The following CTNND2 variants were observed in gnomAD, a reference collection of about 807,000 sequenced individuals.
The protein encoded by CTNND2 is catenin delta 2.
Under a neutral mutation model 144.4 loss-of-function variants are expected in CTNND2, and 22 were observed. The observed-to-expected ratio is 0.15, with a 90% CI of 0.11 to 0.22. CTNND2 has a LOEUF of 0.22. Ranked by LOEUF, CTNND2 falls within the 10% of genes least tolerant of loss-of-function variation. CTNND2 has a pLI of 1.00. For synonymous variants in CTNND2, 751 were observed against 695.6 expected (o/e 1.08, Z -1.25); for missense variants, 1,353 against 1,618.8 (o/e 0.84, Z 2.82).
At position 11,136,568 on chromosome 5, in the gene CTNND2, T is replaced by C. The variant is rs138349498; in HGVS notation, c.2160-19001A>G. ...CAGTGCTACGCTTGTGGAATAGATA[T>C]GTGTGTCACTCATCTCTGACTCTCC... On this transcript the variant is annotated intron_variant, in intron 12 of 21. Coordinates refer to ENST00000304623, the MANE Select transcript of CTNND2 (RefSeq NM_001332.4). Among the ~76,000 whole-genome samples, 4 of 152,172 alleles carry C rather than the reference T, an allele frequency of 2.6e-5. No homozygotes were observed. The East Asian group carries it at 7.7e-4, about 29-fold the overall frequency.
intron 3 of CTNND2, among the ~76,000 whole-genome samples, chr5:11,491,361 A>G (rs1769370465): frequency 6.6e-6 from 1 of 152,148 alleles, no homozygotes; most frequent in Admixed American, 6.5e-5. Context: ...CCACACACAA[A>G]GTGCTTTCTT....
intron 3 of CTNND2, among the ~76,000 whole-genome samples, chr5:11,507,209 C>T (rs934016011): frequency 6.6e-6 from 1 of 152,180 alleles, no homozygotes; most frequent in Non-Finnish European, 1.5e-5. Flanking sequence ...GATGTTCCTA[C>T]ATAATAATGG....
At chr5:11,712,006 G>A (rs1318229889) in intron 2 of CTNND2, among the ~76,000 whole-genome samples, 1 of 152,178 alleles carries the variant, frequency 6.6e-6, no homozygotes, top group Non-Finnish European at 1.5e-5. Flanking sequence ...CTTGGATTGG[G>A]AGTTTATAAT....
At chr5:11,547,790 T>A (rs1775372235) in intron 3 of CTNND2, among the ~76,000 whole-genome samples, 1 of 152,188 alleles carries the variant, frequency 6.6e-6, no homozygotes, top group Non-Finnish European at 1.5e-5. Flanking sequence ...ATATTGCCAG[T>A]GGGAAAGTAA....
intron 2 of CTNND2, among the ~76,000 whole-genome samples, chr5:11,703,651 T>C (rs955552616): frequency 4.6e-5 from 7 of 152,242 alleles, no homozygotes; most frequent in Non-Finnish European, 1.0e-4. Flanking sequence ...ATATTGTCTC[T>C]GCCCTCAGGG....
chr5:11,592,133 TGCC>T, intron 2 of CTNND2, among the ~76,000 whole-genome samples: 2 of 111,954 alleles, frequency 1.8e-5, no homozygotes, highest in Non-Finnish European at 3.6e-5. Flanking sequence ...CCTTCTTTCC[TGCC>T]TTCCTGCCTT....
At chr5:11,887,047 G>A (rs552657293) in intron 1 of CTNND2, among the ~76,000 whole-genome samples, 103 of 141,718 alleles carry the variant, frequency 7.3e-4, no homozygotes, top group Middle Eastern at 3.7e-3. Flanking sequence ...GCGGTGGCGC[G>A]ATCTCGGCTC....
chr5:11,409,853 T>C (rs2149835366), intron 5 of CTNND2, among the ~76,000 whole-genome samples: 1 of 152,244 alleles, frequency 6.6e-6, no homozygotes, highest in African/African-American at 2.4e-5. Context: ...CTTTTATTCT[T>C]TTCAGAGGAG....
rs962397612 is a variant in CTNND2, at chr5:11,182,548, A to G, written c.1975+16900T>C. 4.0e-5 allele frequency among the ~76,000 whole-genome samples: 6 copies of G among 151,476 alleles called. No individual in the cohort carries two copies. In the South Asian group the frequency reaches 1.2e-3, roughly 31 times the overall value. On this transcript the variant is annotated intron_variant, in intron 11 of 21. Coordinates refer to ENST00000304623, the MANE Select transcript of CTNND2 (RefSeq NM_001332.4). ...TTTTCCACTGCCCACGATGGCTTCAAAACTCTTAATTGCAGGTGATTGCCC... is the reference window on the plus strand; with the variant it reads ...TTTTCCACTGCCCACGATGGCTTCAGAACTCTTAATTGCAGGTGATTGCCC...
Position 11,082,837 on chromosome 5 carries a change from ATACTGAC to A in CTNND2, c.2640_2646del (p.Trp880CysfsTer22). 1 of 1,614,038 alleles carries A rather than the reference ATACTGAC, an allele frequency of 6.2e-7. No individual in the cohort carries two copies. Among genetic ancestry groups the A allele is most frequent in the East Asian group, 2.2e-5 (1 of 44,876 alleles). On this transcript the variant is annotated frameshift_variant and splice_region_variant, in exon 16 of 22. Transcript: ENST00000304623. LOFTEE classifies it high-confidence loss of function. ...TCTTTTCGGACAGCGGCTCGGATATATACTGACCACTGCAAAAACAGGGAAGGCGAAG... is the reference window on the plus strand; with the variant it reads ...TCTTTTCGGACAGCGGCTCGGATATACACTGCAAAAACAGGGAAGGCGAAG...
At chr5:11,143,718 C>T (rs1756964073) in intron 12 of CTNND2, among the ~76,000 whole-genome samples, 2 of 152,328 alleles carry the variant, frequency 1.3e-5, no homozygotes, top group East Asian at 1.9e-4. Context: ...TAATTTTACT[C>T]AAAACAGCCC....
chr5:11,408,886 CTATT>C (rs758153979), intron 5 of CTNND2, among the ~76,000 whole-genome samples: 2 of 152,124 alleles, frequency 1.3e-5, no homozygotes, highest in Non-Finnish European at 2.9e-5. Flanking sequence ...TTTATCCCCT[CTATT>C]TATCTCTTCT....
intron 9 of CTNND2, among the ~76,000 whole-genome samples, chr5:11,240,934 ACACACACACTGAG>A (rs1420115922): frequency 6.8e-6 from 1 of 147,102 alleles, no homozygotes; most frequent in Non-Finnish European, 1.5e-5. Context: ...CACACACCCA[ACACACACACTGAG>A]CACACACACC....
At chr5:11,862,047 T>C (rs943435526) in intron 1 of CTNND2, among the ~76,000 whole-genome samples, 16 of 152,224 alleles carry the variant, frequency 1.1e-4, no homozygotes, top group Admixed American at 7.9e-4. Flanking sequence ...TGGTTTTCTA[T>C]AGCACTTGTT....
At chr5:11,319,490 CTA>C (rs1400073090) in intron 9 of CTNND2, among the ~76,000 whole-genome samples, 1 of 152,070 alleles carries the variant, frequency 6.6e-6, no homozygotes, top group Non-Finnish European at 1.5e-5. Flanking sequence ...CCACAGAAGT[CTA>C]TAGTGTCTTT....
chr5:11,082,765 G>A lies in CTNND2; in HGVS notation c.2719C>T (p.Arg907Cys), dbSNP rs758691291. The change falls in exon 16 of 22, where the codon CGT (arginine) becomes TGT (cysteine). Residue 907 changes from arginine to cysteine, a missense_variant. Arg to Cys is a radical substitution (Grantham distance 180). Transcript: ENST00000304623. Reference sequence around the variant, plus strand: ...GCAGTGGCCACCGCGCACACCACACGGTCATTGTCTATTCGGAGCAGCTCC... The same window carrying A: ...GCAGTGGCCACCGCGCACACCACACAGTCATTGTCTATTCGGAGCAGCTCC... The part of the protein sequence containing the change: ...LVELLRIDND[R>C]VVCAVATALR... 5.6e-6 allele frequency: 9 copies of A among 1,614,138 alleles called. No homozygotes were observed. Among genetic ancestry groups the A allele is most frequent in the South Asian group, 2.2e-5 (2 of 91,074 alleles).
chr5:11,890,179 T>G (rs1736849270), intron 1 of CTNND2, among the ~76,000 whole-genome samples: 1 of 152,198 alleles, frequency 6.6e-6, no homozygotes, highest in Non-Finnish European at 1.5e-5. Context: ...AGATGCTGAT[T>G]ACTGGTCCCT....
intron 12 of CTNND2, among the ~76,000 whole-genome samples, chr5:11,131,424 T>C (rs1335461810): frequency 6.6e-6 from 1 of 152,192 alleles, no homozygotes; most frequent in Non-Finnish European, 1.5e-5. Context: ...GGCTTTTAAA[T>C]GTCAGACTGT....
At chr5:11,769,886 C>T (rs910241130) in intron 1 of CTNND2, among the ~76,000 whole-genome samples, 4 of 152,148 alleles carry the variant, frequency 2.6e-5, no homozygotes, top group Admixed American at 2.0e-4. Context: ...CTGATTTTCT[C>T]CAGGCAGATG....
Sources: gnomAD v4.1 joint callset for allele counts (sites outside exome capture counted in the v4.1 genomes callset) on GRCh38, gnomAD v4.1.1 for gene constraint, MANE v1.5 for transcripts, NCBI Gene and HGNC (gene_info 2026-07-23, HGNC 2026-07-21) for gene names.